Variants in ARFGEF2 observed in about 807,000 individuals in gnomAD.
ARFGEF2 encodes brefeldin A-inhibited guanine nucleotide-exchange protein 2.
ARFGEF2 carries 74 observed loss-of-function variants against 219.9 expected under a neutral mutation model. The observed-to-expected ratio is 0.34, with a 90% confidence interval of 0.28 to 0.41. ARFGEF2 has a LOEUF of 0.41. Ranked by LOEUF, ARFGEF2 falls within the 10% of genes least tolerant of loss-of-function variation. The probability of loss-of-function intolerance (pLI) is 1.00; values close to 1 mark genes in which losing one functional copy is unlikely to be tolerated. For missense variants in ARFGEF2, 1,743 were observed against 2,218.3 expected (o/e 0.79, Z 4.30); for synonymous variants, 733 against 799.2 (o/e 0.92, Z 1.40).
chr20:48,941,749 C>T, intron 2 of ARFGEF2, 115 bp from the exon 3 acceptor site: 1 of 1,488,676 alleles, frequency 6.7e-7, no homozygotes, highest in African/African-American at 1.4e-5. Context: ...AATGCCTAGC[C>T]CCAGGATATA....
intron 3 of ARFGEF2, among the ~76,000 whole-genome samples, chr20:48,950,808 AAAAATATATATATATAT>A (rs1231137557): frequency 0.018 from 757 of 42,226 alleles, 10 homozygotes; most frequent in African/African-American, 0.094. Flanking sequence ...AAAAAAAAAA[AAAAATATATATATATAT>A]ATATATATAT....
intron 26 of ARFGEF2, among the ~76,000 whole-genome samples, chr20:49,009,996 G>A (rs1199273892): frequency 6.6e-6 from 1 of 152,186 alleles, no homozygotes; most frequent in Non-Finnish European, 1.5e-5. Flanking sequence ...CTTCCATTCA[G>A]AGGGTCAGCT....
At chr20:48,997,964 T>A in intron 23 of ARFGEF2, 1 of 520,438 alleles carries the variant, frequency 1.9e-6, no homozygotes. Flanking sequence ...TTCAAGCGAA[T>A]CTTCTGCTTC....
At position 49,017,535 on chromosome 20, in the gene ARFGEF2, A is replaced by G. The variant is rs753173116; in HGVS notation, c.4494A>G (p.Ser1498=). Reference sequence around the variant, plus strand: ...GACCTGTAGGAATGGAGGAAGATTCATCAGAAAAGCATTTGGTAGGATTTG... The same window carrying G: ...GACCTGTAGGAATGGAGGAAGATTCGTCAGAAAAGCATTTGGTAGGATTTG... ...TWRPVGMEED[S]SEKHLDVDLD... The change falls in exon 33 of 39, where the codon TCA becomes TCG. Residue 1498 remains serine, a synonymous_variant. Coordinates refer to ENST00000371917, the MANE Select transcript of ARFGEF2 (RefSeq NM_006420.3). 1.2e-6 allele frequency: 2 copies of G among 1,614,026 alleles called. No individual in the cohort carries two copies. The highest frequency in any genetic ancestry group is 2.2e-5 in the South Asian group (2 of 91,042).
At chr20:48,989,182 G>A (rs2091343278) in intron 18 of ARFGEF2, 103 bp from the exon 19 acceptor site, 1 of 1,290,982 alleles carries the variant, frequency 7.7e-7, no homozygotes, top group African/African-American at 1.5e-5. Context: ...AGATGGTTGG[G>A]AGGATTTAGG....
At chr20:49,000,267 A>G (rs1450337672) in intron 25 of ARFGEF2, among the ~76,000 whole-genome samples, 1 of 152,204 alleles carries the variant, frequency 6.6e-6, no homozygotes, top group Non-Finnish European at 1.5e-5. Flanking sequence ...CTCACAGCAC[A>G]CTGTCTGTTT....
In ARFGEF2 at chr20:48,998,247, T is replaced by C. The variant is rs762342589; in HGVS notation, c.3262+14T>C. The stretch of plus-strand genomic sequence containing the variant: ...GAAATGCAATAGGTATGTATTTGAC[T>C]TACCTGTGAAAACTGCAGAAGCCTC... On this transcript the variant is annotated intron_variant, in intron 24 of 38. Coordinates refer to ENST00000371917, the MANE Select transcript of ARFGEF2 (RefSeq NM_006420.3). The C allele has an allele frequency of 6.2e-7, 1 of 1,613,816 alleles. No individual in the cohort carries two copies. Among genetic ancestry groups the C allele is most frequent in the African/African-American group, 1.3e-5 (1 of 74,930 alleles).
intron 36 of ARFGEF2, among the ~76,000 whole-genome samples, chr20:49,026,606 G>A (rs974855915): frequency 5.4e-4 from 74 of 137,826 alleles, no homozygotes; most frequent in African/African-American, 2.0e-3. Context: ...TTTTTTTTGA[G>A]GCAGAGTCTT....
In ARFGEF2 at chr20:48,990,888, T is replaced by A. The variant is rs187992411; in HGVS notation, c.2815-152T>A. ...AGATGTTCCAAAAGCAAGAGGGCAT[T>A]AGCATGGAATAACTGTTGTGCTAAT... On this transcript the variant is annotated intron_variant, in intron 20 of 38. Transcript: ENST00000371917. 3,990 of 854,702 alleles carry A rather than the reference T, an allele frequency of 4.7e-3. 16 individuals carry two copies. The highest frequency in any genetic ancestry group is 0.01 in the Middle Eastern group (32 of 3,058). 52.9% of individuals were successfully genotyped at this position (854,702 alleles called of 1,614,324 possible). A position where few individuals can be genotyped will look rare whatever the true frequency, so the allele number is the denominator to read the frequency against.
chr20:48,958,519 C>T (rs1430618106), intron 6 of ARFGEF2, among the ~76,000 whole-genome samples: 2 of 151,838 alleles, frequency 1.3e-5, no homozygotes, highest in African/African-American at 4.8e-5. Context: ...TCACTGCAAG[C>T]TCCGCCTCCT....
At chr20:48,969,001 C>T (rs1175761571) in intron 8 of ARFGEF2, 146 bp from the exon 9 acceptor site, 1 of 749,314 alleles carries the variant, frequency 1.3e-6, no homozygotes, top group African/African-American at 1.7e-5. Context: ...CACTATGTTC[C>T]CCAGATTGGA....
intron 3 of ARFGEF2, among the ~76,000 whole-genome samples, chr20:48,945,588 G>A (rs550222832): frequency 2.8e-4 from 43 of 152,298 alleles, no homozygotes; most frequent in Non-Finnish European, 5.7e-4. Flanking sequence ...TTCTGGCTGG[G>A]TGCAGTGGCT....
At chr20:49,014,607 T>G (rs1273537064) in intron 30 of ARFGEF2, among the ~76,000 whole-genome samples, 1 of 152,092 alleles carries the variant, frequency 6.6e-6, no homozygotes, top group Non-Finnish European at 1.5e-5. Context: ...TTTGCAAAAT[T>G]TTCTCCATCT....
In ARFGEF2 at chr20:48,921,751, G is replaced by A; in HGVS notation, c.-139G>A. On this transcript the variant is annotated 5_prime_UTR_variant, in exon 1 of 39. Coordinates refer to ENST00000371917, the MANE Select transcript of ARFGEF2 (RefSeq NM_006420.3). ...GCGCTCCAACATGGCGGCGCCGTGG[G>A]GCCGAGGTGTCGCTTCCTGACGGGG... 1 of 906,108 alleles carries A rather than the reference G, an allele frequency of 1.1e-6. No individual in the cohort carries two copies. The highest frequency in any genetic ancestry group is 1.4e-6 in the Non-Finnish European group (1 of 718,698). The allele number at this position is 906,108 out of a possible 1,614,324, so 56.1% of individuals were successfully genotyped here. A position where few individuals can be genotyped will look rare whatever the true frequency, so the allele number is the denominator to read the frequency against.
intron 21 of ARFGEF2, among the ~76,000 whole-genome samples, chr20:48,993,937 A>G (rs1366570641): frequency 6.6e-6 from 1 of 152,174 alleles, no homozygotes; most frequent in Non-Finnish European, 1.5e-5. Context: ...ACAAACAAAT[A>G]GATATATGGT....
rs2091663245 is a variant in ARFGEF2, at chr20:49,035,871, G to C, written c.*2672G>C. 3.5e-6 allele frequency: 1 copy of C among 284,148 alleles called. No individual in the cohort carries two copies. 17.6% of individuals were successfully genotyped at this position (284,148 alleles called of 1,614,324 possible). A position where few individuals can be genotyped will look rare whatever the true frequency, so the allele number is the denominator to read the frequency against. Reference sequence around the variant, plus strand: ...TTTTTATTTCTGATACGCATCTTTAGAGTCAAATATATCTTTTCCCTGTAC... The same window carrying C: ...TTTTTATTTCTGATACGCATCTTTACAGTCAAATATATCTTTTCCCTGTAC... On this transcript the variant is annotated 3_prime_UTR_variant, in exon 39 of 39. Transcript: ENST00000371917.
chr20:49,005,772 T>C (rs1184105333), intron 26 of ARFGEF2, among the ~76,000 whole-genome samples: 1 of 148,080 alleles, frequency 6.8e-6, no homozygotes, highest in Admixed American at 6.7e-5. Context: ...AAGAAATATG[T>C]CATGAACCCC....
intron 26 of ARFGEF2, among the ~76,000 whole-genome samples, chr20:49,005,668 G>C (rs2091453653): frequency 6.8e-6 from 1 of 147,966 alleles, no homozygotes; most frequent in Non-Finnish European, 1.5e-5. Flanking sequence ...AACTCAGGAG[G>C]CAGAGCTTGC....
At chr20:48,931,329 G>A (rs1435021562) in intron 1 of ARFGEF2, among the ~76,000 whole-genome samples, 2 of 152,070 alleles carry the variant, frequency 1.3e-5, no homozygotes, top group Non-Finnish European at 2.9e-5. Context: ...AAAGGACAGT[G>A]TTTCATTTTT....
Sources: allele counts gnomAD v4.1 joint callset (sites outside exome capture counted in the v4.1 genomes callset), GRCh38; gene constraint gnomAD v4.1.1; transcripts MANE v1.5; gene names NCBI Gene and HGNC (gene_info 2026-07-23, HGNC 2026-07-21).